FBXO34: variants seen among roughly 807,000 people sequenced by gnomAD.
FBXO34 encodes the protein F-box only protein 34.
In FBXO34, 12 loss-of-function variants were observed where a neutral mutation model predicts 24.5. The observed-to-expected ratio is 0.49, with a 90% CI of 0.31 to 0.79. The LOEUF is 0.79. FBXO34 is among the 30% of genes least tolerant of loss of function. FBXO34 has a pLI of 0.04. For missense variants in FBXO34, 823 were observed against 857.7 expected (o/e 0.96, Z 0.51); for synonymous variants, 320 against 311.9 (o/e 1.03, Z -0.27).
the FBXO34 span, among the ~76,000 whole-genome samples, chr14:55,393,227 C>T: frequency 1.3e-3 from 200 of 149,276 alleles, 1 homozygote; most frequent in African/African-American, 4.8e-3. Context: ...TAAAAAAACA[C>T]AAAAAAACTT....
chr14:55,402,926 AATATATAT>A, the FBXO34 span, among the ~76,000 whole-genome samples: 373 of 16,358 alleles, frequency 0.023, 8 homozygotes, highest in African/African-American at 0.059. Flanking sequence ...AAAAAAAAAA[AATATATAT>A]ATATATATAT....
intron 1 of FBXO34, among the ~76,000 whole-genome samples, chr14:55,343,041 A>G (rs931225668): frequency 4.6e-5 from 7 of 152,160 alleles, no homozygotes; most frequent in Admixed American, 1.3e-4. Flanking sequence ...TTCATTATAT[A>G]TATCTGCAGC....
chr14:55,369,898 G>A, downstream of FBXO34: 4 of 1,612,720 alleles, frequency 2.5e-6, no homozygotes, highest in East Asian at 4.5e-5. Context: ...ACTCCTCAAG[G>A]TCTGCTCGTA....
chr14:55,314,773 C>T (rs1436063816), intron 1 of FBXO34, among the ~76,000 whole-genome samples: 1 of 152,086 alleles, frequency 6.6e-6, no homozygotes, highest in African/African-American at 2.4e-5. Context: ...CTATTCTTAT[C>T]CTTTTATATT....
the FBXO34 span, among the ~76,000 whole-genome samples, chr14:55,404,542 G>A: frequency 6.6e-6 from 1 of 152,082 alleles, no homozygotes; most frequent in African/African-American, 2.4e-5. Flanking sequence ...TATGTCTTTT[G>A]GTGTTCAAAA....
At chr14:55,383,599 C>A in the FBXO34 span, among the ~76,000 whole-genome samples, 1 of 147,598 alleles carries the variant, frequency 6.8e-6, no homozygotes, top group African/African-American at 2.5e-5. Context: ...AAAAAAAACC[C>A]CCAAGAACAA....
At chr14:55,371,631 T>A (rs529873477), downstream of FBXO34, among the ~76,000 whole-genome samples, 1 of 152,006 alleles carries the variant, frequency 6.6e-6, no homozygotes, top group South Asian at 2.1e-4. Context: ...AGTGAAACCC[T>A]GTCTCTACTA....
intron 1 of FBXO34, among the ~76,000 whole-genome samples, chr14:55,309,444 T>C (rs1882661435): frequency 6.6e-6 from 1 of 152,210 alleles, no homozygotes. Context: ...TTTATGATTA[T>C]TTGGATATCC....
chr14:55,338,048 CTTT>C lies in FBXO34; in HGVS notation c.-10-12316_-10-12314del, dbSNP rs58194693. On this transcript the variant is annotated intron_variant, in intron 1 of 1. Coordinates refer to ENST00000313833, the MANE Select transcript of FBXO34 (RefSeq NM_017943.4). ...CAATTGGAGATAAGAGTATGTACTT[CTTT>C]TTTTTTTTTTTTTTTTGAGATGGAG... Among the ~76,000 whole-genome samples the C allele has an allele frequency of 4.4e-4, 39 of 88,248 alleles. 3 individuals are homozygous for C. Among genetic ancestry groups the C allele is most frequent in the African/African-American group, 1.4e-3 (30 of 20,804 alleles). 57.9% of individuals were successfully genotyped at this position (88,248 alleles called of 152,430 possible). A position where few individuals can be genotyped will look rare whatever the true frequency, so the allele number is the denominator to read the frequency against.
At chr14:55,381,176 G>A in the FBXO34 span, among the ~76,000 whole-genome samples, 7 of 151,962 alleles carry the variant, frequency 4.6e-5, no homozygotes, top group African/African-American at 1.7e-4. Context: ...CCTGAGAAGG[G>A]CAAAGGGCCA....
At chr14:55,379,283 C>T in the FBXO34 span, among the ~76,000 whole-genome samples, 1 of 152,048 alleles carries the variant, frequency 6.6e-6, no homozygotes, top group African/African-American at 2.4e-5. Context: ...TGCCTGTAAT[C>T]CCAGCACTGT....
chr14:55,393,248 G>A, the FBXO34 span, among the ~76,000 whole-genome samples: 35 of 152,188 alleles, frequency 2.3e-4, no homozygotes, highest in African/African-American at 5.8e-4. Flanking sequence ...AGCCGGGCGT[G>A]GTGGTGGGCG....
downstream of FBXO34, among the ~76,000 whole-genome samples, chr14:55,371,547 C>T (rs758250591): frequency 3.3e-5 from 5 of 151,656 alleles, no homozygotes; most frequent in Non-Finnish European, 7.4e-5. Context: ...TGGCTCACAC[C>T]TGTAATCCCA....
At chr14:55,305,698 A>C (rs1002279912) in intron 1 of FBXO34, among the ~76,000 whole-genome samples, 1 of 152,106 alleles carries the variant, frequency 6.6e-6, no homozygotes, top group African/African-American at 2.4e-5. Context: ...AAGCCTCTAC[A>C]ACAGGAGTCG....
intron 1 of FBXO34, among the ~76,000 whole-genome samples, chr14:55,288,542 T>A (rs940720647): frequency 6.6e-6 from 1 of 152,190 alleles, no homozygotes; most frequent in Non-Finnish European, 1.5e-5. Context: ...TACGGCCTGT[T>A]TGATACATTT....
intron 1 of FBXO34, among the ~76,000 whole-genome samples, chr14:55,338,045 C>CTTTTT (rs1480397645): frequency 1.2e-5 from 1 of 82,918 alleles, no homozygotes; most frequent in African/African-American, 6.2e-5. Flanking sequence ...AGAGTATGTA[C>CTTTTT]TTCTTTTTTT....
the FBXO34 span, among the ~76,000 whole-genome samples, chr14:55,418,717 GAAAT>G: frequency 0.012 from 1,824 of 152,252 alleles, 15 homozygotes; most frequent in Non-Finnish European, 0.02. Context: ...ATGCTAGAGG[GAAAT>G]AAATAAATAA....
intron 1 of FBXO34, among the ~76,000 whole-genome samples, chr14:55,277,690 A>C (rs1193585880): frequency 2.6e-5 from 4 of 152,196 alleles, no homozygotes; most frequent in Non-Finnish European, 5.9e-5. Context: ...TAAATGTTAC[A>C]TGAATTCAGA....
At chr14:55,320,103 G>T (rs568238431) in intron 1 of FBXO34, among the ~76,000 whole-genome samples, 1 of 152,150 alleles carries the variant, frequency 6.6e-6, no homozygotes, top group Admixed American at 6.6e-5. Flanking sequence ...GGTTATCCAG[G>T]TCCTTTAACT....
Sources: allele counts gnomAD v4.1 joint callset (sites outside exome capture counted in the v4.1 genomes callset), GRCh38; gene constraint gnomAD v4.1.1; transcripts MANE v1.5; gene names NCBI Gene and HGNC (gene_info 2026-07-23, HGNC 2026-07-21).